PCDH9: variants seen among roughly 807,000 people sequenced by gnomAD.
The protein encoded by PCDH9 is protocadherin-9.
Under a neutral mutation model 70.6 loss-of-function variants are expected in PCDH9, and 24 were observed. The observed-to-expected ratio is 0.34, with a 90% CI of 0.25 to 0.48. The LOEUF is 0.48. PCDH9 is among the 20% of genes least tolerant of loss of function. The pLI, the probability that PCDH9 is intolerant of heterozygous loss-of-function variation, is 0.99. For synonymous variants in PCDH9, 562 were observed against 558.5 expected, an observed-to-expected ratio of 1.01 and a Z score of -0.09; for missense variants, 1,281 against 1,503.6, an observed-to-expected ratio of 0.85 and a Z score of 2.45.
intron 3 of PCDH9, among the ~76,000 whole-genome samples, chr13:66,794,400 G>A (rs545892193): frequency 6.6e-6 from 1 of 152,226 alleles, no homozygotes; most frequent in South Asian, 2.1e-4. Context: ...TGAAGAATTA[G>A]CTCCACCGTC....
chr13:67,063,416 C>A (rs10492598), intron 2 of PCDH9, among the ~76,000 whole-genome samples: 5,698 of 152,076 alleles, frequency 0.037, 179 homozygotes, highest in South Asian at 0.11. Flanking sequence ...GGTGCTTTAA[C>A]TACTTTGCAT....
intron 2 of PCDH9, among the ~76,000 whole-genome samples, chr13:67,044,285 T>C (rs2085180277): frequency 6.6e-6 from 1 of 152,164 alleles, no homozygotes; most frequent in Admixed American, 6.6e-5. Flanking sequence ...AAATACTCTT[T>C]GCTTCAGAAA....
intron 4 of PCDH9, among the ~76,000 whole-genome samples, chr13:66,448,240 G>T (rs188669217): frequency 6.6e-6 from 1 of 152,220 alleles, no homozygotes; most frequent in Admixed American, 6.5e-5. Context: ...CCTAATATTG[G>T]AAATTTTGTA....
chr13:66,631,453 C>G (rs1233097732), intron 3 of PCDH9, 42 bp from the exon 4 acceptor site: 13 of 1,156,964 alleles, frequency 1.1e-5, no homozygotes, highest in Non-Finnish European at 1.6e-5. Flanking sequence ...ACACTCCTCT[C>G]AAATAAAACA....
rs150161048 is a variant in PCDH9, at chr13:66,490,394, G to T, written c.3340+140816C>A. ...CGGCTTCATGTGGTGCTGCTCTCAA[G>T]GGAAAACTTGTTGCTGTCCATCTCT... is the stretch of plus-strand genomic sequence containing the variant. On this transcript the variant is annotated intron_variant, in intron 4 of 4. Coordinates refer to ENST00000377865, the MANE Select transcript of PCDH9 (RefSeq NM_203487.3). 6.9e-3 allele frequency among the ~76,000 whole-genome samples: 1,048 copies of T among 152,222 alleles called. 33 individuals are homozygous for T. In the East Asian group the frequency reaches 0.092, roughly 13 times the overall value.
intron 4 of PCDH9, among the ~76,000 whole-genome samples, chr13:66,337,304 T>C (rs1335480698): frequency 2.0e-5 from 3 of 152,050 alleles, no homozygotes; most frequent in East Asian, 3.8e-4. Context: ...CTGAAAATTA[T>C]TCCCTGATAT....
intron 4 of PCDH9, among the ~76,000 whole-genome samples, chr13:66,439,959 C>T (rs1238900497): frequency 3.9e-5 from 6 of 152,098 alleles, no homozygotes; most frequent in East Asian, 1.9e-4. Context: ...ATCCATACTG[C>T]GCCCTTAATT....
intron 4 of PCDH9, among the ~76,000 whole-genome samples, chr13:66,532,854 A>C (rs187678918): frequency 6.6e-6 from 1 of 152,230 alleles, no homozygotes; most frequent in East Asian, 1.9e-4. Context: ...TGCCTGTTGT[A>C]GGACTTTGCC....
At chr13:66,872,985 T>A (rs1296844364) in intron 3 of PCDH9, among the ~76,000 whole-genome samples, 2 of 152,160 alleles carry the variant, frequency 1.3e-5, no homozygotes, top group Admixed American at 6.6e-5. Flanking sequence ...GATAGCTTCT[T>A]ATTTTTAATT....
intron 2 of PCDH9, among the ~76,000 whole-genome samples, chr13:66,913,311 GCAAA>G (rs1410210358): frequency 6.6e-6 from 1 of 151,868 alleles, no homozygotes; most frequent in African/African-American, 2.4e-5. Context: ...TGCACTAAAA[GCAAA>G]CAAACAAACC....
intron 4 of PCDH9, among the ~76,000 whole-genome samples, chr13:66,591,829 A>C (rs2077043073): frequency 6.6e-6 from 1 of 151,662 alleles, no homozygotes; most frequent in Non-Finnish European, 1.5e-5. Flanking sequence ...TCTGCAAGGA[A>C]AACAAGATGA....
intron 2 of PCDH9, among the ~76,000 whole-genome samples, chr13:67,199,041 CTGAT>C (rs2089145703): frequency 6.6e-6 from 1 of 151,504 alleles, no homozygotes; most frequent in South Asian, 2.1e-4. Context: ...GTCTTAAAAT[CTGAT>C]TGTATAAAAG....
intron 2 of PCDH9, among the ~76,000 whole-genome samples, chr13:67,045,893 T>C (rs977536751): frequency 1.3e-5 from 2 of 152,174 alleles, no homozygotes; most frequent in South Asian, 2.1e-4. Context: ...TTATGTTCTT[T>C]TTAATCCTTA....
intron 2 of PCDH9, among the ~76,000 whole-genome samples, chr13:67,080,072 C>T (rs2138180896): frequency 6.6e-6 from 1 of 152,224 alleles, no homozygotes; most frequent in South Asian, 2.1e-4. Flanking sequence ...TGCATAAAAT[C>T]AAGCTGTAAT....
At chr13:66,504,466 C>G (rs1007146311) in intron 4 of PCDH9, among the ~76,000 whole-genome samples, 20 of 152,094 alleles carry the variant, frequency 1.3e-4, no homozygotes, top group African/African-American at 4.3e-4. Context: ...TCCAGCTGAA[C>G]ACAGCTGCAA....
chr13:67,022,610 T>C (rs2084700283), intron 2 of PCDH9, among the ~76,000 whole-genome samples: 1 of 152,212 alleles, frequency 6.6e-6, no homozygotes, highest in African/African-American at 2.4e-5. Flanking sequence ...CTGGCCATCA[T>C]AAATAACCAA....
intron 4 of PCDH9, among the ~76,000 whole-genome samples, chr13:66,327,499 G>A (rs1429158147): frequency 1.3e-5 from 2 of 152,064 alleles, no homozygotes; most frequent in Non-Finnish European, 2.9e-5. Context: ...TTTCCTACAT[G>A]TACCATATTA....
chr13:67,172,618 C>T (rs1159116605), intron 2 of PCDH9, among the ~76,000 whole-genome samples: 2 of 152,054 alleles, frequency 1.3e-5, no homozygotes, highest in African/African-American at 4.8e-5. Context: ...TGGCTCATGC[C>T]TGTAATCCTA....
At chr13:66,706,666 GA>G (rs2078715512) in intron 3 of PCDH9, among the ~76,000 whole-genome samples, 1 of 152,190 alleles carries the variant, frequency 6.6e-6, no homozygotes, top group Non-Finnish European at 1.5e-5. Context: ...CAGAAATTGT[GA>G]CTGAGAAGCT....
Sources: gnomAD v4.1 joint callset for allele counts (sites outside exome capture counted in the v4.1 genomes callset) on GRCh38, gnomAD v4.1.1 for gene constraint, MANE v1.5 for transcripts, NCBI Gene and HGNC (gene_info 2026-07-23, HGNC 2026-07-21) for gene names.